Variants in TENM3 observed in about 807,000 individuals in gnomAD.
TENM3 encodes the protein teneurin-3.
A neutral mutation model predicts 255.1 loss-of-function variants in TENM3; 63 were observed. The observed-to-expected ratio is 0.25, with a 90% CI of 0.20 to 0.30. TENM3 has a LOEUF of 0.30. Among genes scored for constraint, TENM3 ranks in the 10% least tolerant of loss-of-function variants. TENM3 has a pLI of 1.00. For synonymous variants in TENM3, 1,306 were observed against 1,322.3 expected, an observed-to-expected ratio of 0.99 and a Z score of 0.27; for missense variants, 2,929 against 3,461.1, an observed-to-expected ratio of 0.85 and a Z score of 3.86.
the TENM3 span, among the ~76,000 whole-genome samples, chr4:181,960,534 A>T: frequency 6.6e-6 from 1 of 152,234 alleles, no homozygotes; most frequent in Admixed American, 6.5e-5. Context: ...TCACAAAATC[A>T]GTATACATTT....
the TENM3 span, among the ~76,000 whole-genome samples, chr4:181,955,013 T>A: frequency 6.6e-6 from 1 of 152,332 alleles, no homozygotes; most frequent in East Asian, 1.9e-4. Flanking sequence ...TGAAATTCAG[T>A]GGCCACATAC....
chr4:182,693,785 T>C (rs1490625315), intron 12 of TENM3, among the ~76,000 whole-genome samples: 1 of 152,238 alleles, frequency 6.6e-6, no homozygotes, highest in African/African-American at 2.4e-5. Flanking sequence ...GTGAATATTA[T>C]GTACTTCATG....
the TENM3 span, among the ~76,000 whole-genome samples, chr4:182,138,760 T>A: frequency 6.6e-6 from 1 of 152,192 alleles, no homozygotes; most frequent in Non-Finnish European, 1.5e-5. Context: ...CATATCCTAC[T>A]GAAAAAGAGA....
At chr4:181,730,458 C>T in the TENM3 span, among the ~76,000 whole-genome samples, 2 of 152,306 alleles carry the variant, frequency 1.3e-5, no homozygotes, top group East Asian at 1.9e-4. Context: ...GCCAGCTGGC[C>T]TCCAACCTGT....
the TENM3 span, among the ~76,000 whole-genome samples, chr4:182,092,614 T>C: frequency 6.6e-6 from 1 of 152,276 alleles, no homozygotes; most frequent in South Asian, 2.1e-4. Context: ...GCCTCTGCAC[T>C]CCAGCCTGGG....
the TENM3 span, among the ~76,000 whole-genome samples, chr4:181,555,416 G>A: frequency 6.6e-6 from 1 of 152,132 alleles, no homozygotes; most frequent in Non-Finnish European, 1.5e-5. Context: ...CTCCAACTGT[G>A]TTAATTCCTA....
At chr4:181,757,863 A>G in the TENM3 span, among the ~76,000 whole-genome samples, 176 of 152,262 alleles carry the variant, frequency 1.2e-3, no homozygotes, top group African/African-American at 4.2e-3. Flanking sequence ...AGGGTAGTAA[A>G]TTAGCTTGTG....
intron 3 of TENM3, among the ~76,000 whole-genome samples, chr4:182,521,085 G>A (rs887348146): frequency 6.6e-6 from 1 of 152,156 alleles, no homozygotes; most frequent in Non-Finnish European, 1.5e-5. Context: ...GGTAATGACA[G>A]CTCATTAGCC....
chr4:182,273,535 T>G (rs573780562), intron 1 of TENM3, among the ~76,000 whole-genome samples: 9 of 152,358 alleles, frequency 5.9e-5, no homozygotes, highest in Admixed American at 2.0e-4. Flanking sequence ...TTGTTCCTTT[T>G]TGGCCGAATA....
the TENM3 span, among the ~76,000 whole-genome samples, chr4:181,951,398 T>G: frequency 1.3e-5 from 2 of 152,226 alleles, no homozygotes; most frequent in African/African-American, 2.4e-5. Context: ...AGCTTTAGCA[T>G]GAGTGTACAG....
At chr4:181,516,561 A>G in the TENM3 span, among the ~76,000 whole-genome samples, 1 of 152,138 alleles carries the variant, frequency 6.6e-6, no homozygotes, top group South Asian at 2.1e-4. Flanking sequence ...CGGGCAGATC[A>G]CCTGAGATTG....
chr4:182,569,796 G>A (rs531515220), intron 3 of TENM3, among the ~76,000 whole-genome samples: 1 of 152,278 alleles, frequency 6.6e-6, no homozygotes, highest in African/African-American at 2.4e-5. Context: ...GTGGTTTACG[G>A]GTGAGTAAAT....
intron 3 of TENM3, among the ~76,000 whole-genome samples, chr4:182,414,650 G>A (rs1003435073): frequency 2.0e-5 from 3 of 152,160 alleles, no homozygotes; most frequent in African/African-American, 7.2e-5. Context: ...AACTTGCATA[G>A]AAATGTAGTT....
intron 1 of TENM3, among the ~76,000 whole-genome samples, chr4:182,304,434 G>A (rs564264035): frequency 2.0e-4 from 31 of 152,160 alleles, no homozygotes; most frequent in South Asian, 1.5e-3. Flanking sequence ...GGATGGTCTC[G>A]ATCTCCTGAC....
the TENM3 span, among the ~76,000 whole-genome samples, chr4:181,778,244 C>A: frequency 1.3e-5 from 2 of 152,002 alleles, no homozygotes; most frequent in Non-Finnish European, 2.9e-5. Flanking sequence ...AAAAGGATGG[C>A]CTTTTATCTG....
chr4:182,796,890 G>A (rs1766532008), intron 27 of TENM3, 123 bp downstream of exon 27: 2 of 718,546 alleles, frequency 2.8e-6, no homozygotes, highest in Non-Finnish European at 4.1e-6. Flanking sequence ...GACTGTTTTA[G>A]GGAAAAAAAA....
At chr4:182,511,681 AAT>A (rs1349719601) in intron 3 of TENM3, among the ~76,000 whole-genome samples, 1 of 152,130 alleles carries the variant, frequency 6.6e-6, no homozygotes, top group African/African-American at 2.4e-5. Flanking sequence ...GAATTTTGAG[AAT>A]GTAGCATTTG....
intron 1 of TENM3, among the ~76,000 whole-genome samples, chr4:182,170,481 T>G (rs1173762543): frequency 1.3e-5 from 2 of 152,138 alleles, no homozygotes; most frequent in African/African-American, 4.8e-5. Flanking sequence ...AATTCAAACT[T>G]TATAAATCTG....
the TENM3 span, among the ~76,000 whole-genome samples, chr4:181,629,964 T>C: frequency 2.8e-3 from 424 of 152,326 alleles, 2 homozygotes; most frequent in African/African-American, 9.3e-3. Flanking sequence ...GTCCGTCTGG[T>C]CCTGGACTTT....
Sources: allele counts gnomAD v4.1 joint callset (sites outside exome capture counted in the v4.1 genomes callset), GRCh38; gene constraint gnomAD v4.1.1; transcripts MANE v1.5; gene names NCBI Gene and HGNC (gene_info 2026-07-23, HGNC 2026-07-21).